The following COBLL1 variants were observed in gnomAD, a reference collection of about 807,000 sequenced individuals.
COBLL1 encodes cordon-bleu WH2 repeat protein like 1.
In COBLL1, 50 loss-of-function variants were observed where a neutral mutation model predicts 94.8. The observed-to-expected ratio is 0.53, with a 90% CI of 0.42 to 0.67. The LOEUF (loss-of-function observed/expected upper bound fraction) is 0.67. COBLL1 is among the 30% of genes least tolerant of loss of function. The pLI, the probability that COBLL1 is intolerant of heterozygous loss-of-function variation, is 0.00. For missense variants in COBLL1, 1,362 were observed against 1,348.7 expected (o/e 1.01, Z -0.15); for synonymous variants, 448 against 473.8 (o/e 0.95, Z 0.71).
chr2:164,759,908 A>G (rs1395440723), intron 2 of COBLL1, among the ~76,000 whole-genome samples: 1 of 152,236 alleles, frequency 6.6e-6, no homozygotes, highest in Non-Finnish European at 1.5e-5. Flanking sequence ...TACAGACAAG[A>G]AAGTGGAGAA....
chr2:164,696,996 T>C (rs769727303), intron 11 of COBLL1: 2 of 152,072 alleles, frequency 1.3e-5, no homozygotes, highest in Non-Finnish European at 2.9e-5. Flanking sequence ...CTATTACCTA[T>C]AAGAATGAGA....
intron 2 of COBLL1, among the ~76,000 whole-genome samples, chr2:164,663,925 C>T (rs1175718413): frequency 6.6e-6 from 1 of 152,044 alleles, no homozygotes; most frequent in Non-Finnish European, 1.5e-5. Context: ...TGCATATGTA[C>T]CCTCTGATCT....
chr2:164,722,133 A>C lies in COBLL1; in HGVS notation c.938T>G (p.Ile313Ser). The C allele has an allele frequency of 6.2e-7, 1 of 1,613,988 alleles. No homozygotes were observed. The highest frequency in any genetic ancestry group is 8.5e-7 in the Non-Finnish European group (1 of 1,179,922). Residue 313 changes from isoleucine (I) to serine (S), a missense_variant, in exon 7 of 14, where the codon ATC (isoleucine) becomes AGC (serine). Ile to Ser is a moderately radical substitution (Grantham distance 142). Coordinates refer to ENST00000652658, the MANE Select transcript of COBLL1 (RefSeq NM_001365672.2). ...TATACAAGAAGCAGGCCTCTCCTGG[A>C]TGTGTGCAAGGTCTTGGGGGACACT... is the stretch of plus-strand genomic sequence containing the variant. ...SQSVPQDLAH[I>S]QERPASCIVK...
In COBLL1 at chr2:164,664,236, T is replaced by C. The variant is rs117195888; in HGVS notation, n.181+1611A>G. On this transcript the variant is annotated intron_variant and non_coding_transcript_variant, in intron 2 of 2. Coordinates refer to the COBLL1 transcript ENST00000495084. ...GCAGTCACCTATGATGGTTAAAGTA[T>C]AGATAAGCACTAACATGTCATCTAT... is the stretch of plus-strand genomic sequence containing the variant. 9.8e-3 allele frequency among the ~76,000 whole-genome samples: 1,496 copies of C among 152,340 alleles called. 12 individuals carry two copies. The highest frequency in any genetic ancestry group is 0.027 in the African/African-American group (1,143 of 41,580).
intron 1 of COBLL1, among the ~76,000 whole-genome samples, chr2:164,673,971 A>G (rs1385599797): frequency 1.3e-5 from 2 of 152,312 alleles, no homozygotes; most frequent in African/African-American, 4.8e-5. Flanking sequence ...CTCTATTATA[A>G]GATTTGTAGG....
At chr2:164,703,283 C>A in intron 9 of COBLL1, 1 of 997,146 alleles carries the variant, frequency 1.0e-6, no homozygotes, top group South Asian at 1.5e-5. Context: ...CAAGCAGAGA[C>A]CAAGAAGCAT....
chr2:164,677,236 GTTTCTTTC>G (rs141018358), downstream of COBLL1, among the ~76,000 whole-genome samples: 4 of 151,830 alleles, frequency 2.6e-5, no homozygotes, highest in Admixed American at 6.6e-5. Flanking sequence ...AACTTGGGCT[GTTTCTTTC>G]TTTCTTTCTT....
At chr2:164,661,828 A>G (rs1425587492) in intron 2 of COBLL1, among the ~76,000 whole-genome samples, 2 of 152,200 alleles carry the variant, frequency 1.3e-5, no homozygotes, top group East Asian at 3.9e-4. Context: ...GGCATATTTA[A>G]TTATTTGTGT....
At chr2:164,832,195 T>C (rs1357567697) in intron 2 of COBLL1, among the ~76,000 whole-genome samples, 1 of 152,254 alleles carries the variant, frequency 6.6e-6, no homozygotes, top group African/African-American at 2.4e-5. Flanking sequence ...GGAATGTCGA[T>C]AAATGTCTCA....
chr2:164,702,957 G>C (rs1684387211), intron 9 of COBLL1: 2 of 626,818 alleles, frequency 3.2e-6, no homozygotes, highest in South Asian at 3.9e-5. Flanking sequence ...TCTACACCCA[G>C]ATAAAATTTC....
At chr2:164,818,600 C>CAT (rs1201946117) in intron 2 of COBLL1, among the ~76,000 whole-genome samples, 2 of 137,918 alleles carry the variant, frequency 1.5e-5, no homozygotes, top group Non-Finnish European at 3.0e-5. Context: ...ACATATATAG[C>CAT]ATATGTGTAC....
intron 3 of COBLL1, among the ~76,000 whole-genome samples, chr2:164,737,679 G>T (rs1686379537): frequency 6.6e-6 from 1 of 151,968 alleles, no homozygotes; most frequent in Non-Finnish European, 1.5e-5. Context: ...AATATGACGT[G>T]AACTTCAGAA....
chr2:164,714,760 C>T (rs1415526840), intron 7 of COBLL1, among the ~76,000 whole-genome samples: 2 of 152,188 alleles, frequency 1.3e-5, no homozygotes, highest in East Asian at 3.8e-4. Context: ...AGGTCACAAA[C>T]ATCACAGAGA....
intron 2 of COBLL1, among the ~76,000 whole-genome samples, chr2:164,825,748 C>T (rs1025290910): frequency 1.3e-5 from 2 of 152,144 alleles, no homozygotes; most frequent in African/African-American, 2.4e-5. Flanking sequence ...CTTTAAACAA[C>T]CTGAAACAAA....
At chr2:164,776,875 C>T (rs1256365725) in intron 2 of COBLL1, among the ~76,000 whole-genome samples, 1 of 151,914 alleles carries the variant, frequency 6.6e-6, no homozygotes, top group Non-Finnish European at 1.5e-5. Context: ...GAAAAAAACA[C>T]AAAAATAATT....
chr2:164,839,651 A>G (rs1282575267), intron 2 of COBLL1, among the ~76,000 whole-genome samples: 1 of 152,146 alleles, frequency 6.6e-6, no homozygotes, highest in Non-Finnish European at 1.5e-5. Flanking sequence ...ATCCATTTCC[A>G]AATCCAATTT....
At chr2:164,675,488 C>A (rs1046193040), downstream of COBLL1, among the ~76,000 whole-genome samples, 12 of 151,862 alleles carry the variant, frequency 7.9e-5, no homozygotes, top group Non-Finnish European at 1.6e-4. Flanking sequence ...CTCATCTAGA[C>A]AAGAATTTAA....
At chr2:164,813,631 C>A (rs1684569529) in intron 2 of COBLL1, among the ~76,000 whole-genome samples, 1 of 152,040 alleles carries the variant, frequency 6.6e-6, no homozygotes, top group African/African-American at 2.4e-5. Flanking sequence ...AAGAAATGAA[C>A]AACAAAGTAG....
chr2:164,833,598 C>G (rs532189126), intron 2 of COBLL1, among the ~76,000 whole-genome samples: 1 of 151,810 alleles, frequency 6.6e-6, no homozygotes, highest in Non-Finnish European at 1.5e-5. Context: ...TTACAGGCGC[C>G]CGCCACCACG....
Sources: allele counts gnomAD v4.1 joint callset (sites outside exome capture counted in the v4.1 genomes callset), GRCh38; gene constraint gnomAD v4.1.1; transcripts MANE v1.5; gene names NCBI Gene and HGNC (gene_info 2026-07-23, HGNC 2026-07-21).